Variants in DOCK8 observed in about 807,000 individuals in gnomAD.
DOCK8 encodes dedicator of cytokinesis protein 8.
DOCK8 carries 141 observed loss-of-function variants against 245.6 expected under a neutral mutation model. The observed-to-expected ratio is 0.57, with a 90% confidence interval of 0.50 to 0.66. DOCK8 has a LOEUF of 0.66. Ranked by LOEUF, DOCK8 falls within the 30% of genes least tolerant of loss-of-function variation. The pLI is 0.00. For missense variants in DOCK8, 2,965 were observed against 2,603.4 expected, an observed-to-expected ratio of 1.14 and a Z score of -3.02; for synonymous variants, 1,168 against 970.2, an observed-to-expected ratio of 1.20 and a Z score of -3.79.
intron 1 of DOCK8, among the ~76,000 whole-genome samples, chr9:253,535 C>A (rs1483494684): frequency 6.6e-6 from 1 of 152,180 alleles, no homozygotes; most frequent in Non-Finnish European, 1.5e-5. Context: ...TGTTGCCTTG[C>A]CTACTTCATT....
intron 26 of DOCK8, among the ~76,000 whole-genome samples, chr9:399,978 ATCACCACCTC>A (rs1284835787): frequency 7.1e-6 from 1 of 140,386 alleles, no homozygotes; most frequent in Non-Finnish European, 1.5e-5. Flanking sequence ...CTTCTCCACC[ATCACCACCTC>A]CCACCACCTC....
At chr9:295,155 G>A (rs2049202515) in intron 4 of DOCK8, among the ~76,000 whole-genome samples, 1 of 150,470 alleles carries the variant, frequency 6.6e-6, no homozygotes, top group African/African-American at 2.4e-5. Context: ...GTGAGATTCT[G>A]TCTTAAAAAA....
At chr9:298,862 C>T (rs1201333404) in intron 4 of DOCK8, among the ~76,000 whole-genome samples, 1 of 150,590 alleles carries the variant, frequency 6.6e-6, no homozygotes, top group Non-Finnish European at 1.5e-5. Context: ...CATACTAAAC[C>T]TTTGACATCA....
At chr9:439,448 G>T in intron 40 of DOCK8, 60 bp downstream of exon 40, 1 of 1,600,136 alleles carries the variant, frequency 6.2e-7, no homozygotes. Flanking sequence ...GACTTGGGGT[G>T]CTGGGAACAC....
Position 434,898 on chromosome 9 carries a change from GC to G in DOCK8, c.5004del (p.Ala1669LeufsTer3). On this transcript the variant is annotated frameshift_variant, in exon 39 of 48. Coordinates refer to ENST00000432829, the MANE Select transcript of DOCK8 (RefSeq NM_203447.4). LOFTEE classifies it high-confidence loss of function. ...YTEAAMCLVH[A>X]AALVAEYLSM... ...GGAGGCTGCCATGTGCCTGGTGCAC[GC>G]CGCTGCGTTAGTGGCTGAGTATCTG... is the stretch of plus-strand genomic sequence containing the variant. 1 of 1,613,898 alleles carries G rather than the reference GC, an allele frequency of 6.2e-7. No individual in the cohort carries two copies. Among genetic ancestry groups the G allele is most frequent in the Non-Finnish European group, 8.5e-7 (1 of 1,180,036 alleles).
intron 7 of DOCK8, 152 bp downstream of exon 7, chr9:317,280 T>G (rs1019857893): frequency 7.0e-6 from 5 of 709,380 alleles, no homozygotes; most frequent in Non-Finnish European, 1.3e-5. Context: ...AGGGCACGTT[T>G]GAGTCCATTC....
At chr9:367,243 A>G (rs79813893) in intron 14 of DOCK8, among the ~76,000 whole-genome samples, 4,905 of 152,280 alleles carry the variant, frequency 0.032, 266 homozygotes, top group African/African-American at 0.11. Flanking sequence ...TACTTCATCA[A>G]TTATGTGTAC....
At chr9:348,267 C>T (rs952978515) in intron 14 of DOCK8, among the ~76,000 whole-genome samples, 2 of 152,126 alleles carry the variant, frequency 1.3e-5, no homozygotes, top group African/African-American at 4.8e-5. Context: ...CCAATTTTGT[C>T]TCATATGTAA....
intron 1 of DOCK8, among the ~76,000 whole-genome samples, chr9:215,994 T>C (rs889726449): frequency 2.6e-5 from 4 of 152,206 alleles, no homozygotes; most frequent in African/African-American, 9.7e-5. Context: ...GATTCCACCG[T>C]AGGTTCATCT....
At chr9:303,996 C>G (rs935054082) in intron 4 of DOCK8, among the ~76,000 whole-genome samples, 1 of 152,160 alleles carries the variant, frequency 6.6e-6, no homozygotes, top group African/African-American at 2.4e-5. Context: ...TGTCTCATTT[C>G]TTCAGTGACA....
chr9:276,709 A>C (rs2048361126), intron 2 of DOCK8, among the ~76,000 whole-genome samples: 1 of 152,226 alleles, frequency 6.6e-6, no homozygotes, highest in Non-Finnish European at 1.5e-5. Context: ...TGAATAGATT[A>C]ACCAGAGACC....
chr9:400,318 A>ACCTCCACCACCACCACCT (rs1421074365), intron 26 of DOCK8, among the ~76,000 whole-genome samples: 21 of 71,726 alleles, frequency 2.9e-4, no homozygotes, highest in Middle Eastern at 8.9e-3. Context: ...CGTCACCACC[A>ACCTCCACCACCACCACCT]CCTCCACCAC....
intron 4 of DOCK8, among the ~76,000 whole-genome samples, chr9:298,016 C>T (rs1031218189): frequency 6.6e-6 from 1 of 152,156 alleles, no homozygotes; most frequent in Admixed American, 6.5e-5. Context: ...CCCACAAACA[C>T]TCTAACAAAA....
chr9:231,864 C>G (rs990603941), intron 1 of DOCK8, among the ~76,000 whole-genome samples: 1 of 152,144 alleles, frequency 6.6e-6, no homozygotes. Context: ...TTGACTTCCT[C>G]TTTTCCTAAT....
intron 6 of DOCK8, among the ~76,000 whole-genome samples, chr9:313,439 C>A (rs2050211290): frequency 6.6e-6 from 1 of 152,182 alleles, no homozygotes; most frequent in Non-Finnish European, 1.5e-5. Flanking sequence ...ATTTTCTAAG[C>A]ACCTTGGTTT....
chr9:418,018 G>A, intron 29 of DOCK8, 50 bp from the exon 30 acceptor site: 5 of 1,612,838 alleles, frequency 3.1e-6, no homozygotes, highest in Non-Finnish European at 3.4e-6. Flanking sequence ...TAGGGGACAT[G>A]GGGAAATGTC....
chr9:312,682 A>G, intron 6 of DOCK8: 1 of 342,360 alleles, frequency 2.9e-6, no homozygotes, highest in East Asian at 7.9e-5. Flanking sequence ...TGGGATCTTG[A>G]TTGTTTACTT....
chr9:368,451 G>T, intron 15 of DOCK8: 1 of 609,786 alleles, frequency 1.6e-6, no homozygotes, highest in South Asian at 1.9e-5. Context: ...TAAAGAGATG[G>T]CTCAACACGT....
intron 1 of DOCK8, among the ~76,000 whole-genome samples, chr9:237,623 C>A (rs927136529): frequency 1.3e-5 from 2 of 152,070 alleles, no homozygotes; most frequent in African/African-American, 4.8e-5. Flanking sequence ...CCACTGCACT[C>A]CAGTCTGGGT....
Sources: allele counts gnomAD v4.1 joint callset (sites outside exome capture counted in the v4.1 genomes callset), GRCh38; gene constraint gnomAD v4.1.1; transcripts MANE v1.5; gene names NCBI Gene and HGNC (gene_info 2026-07-23, HGNC 2026-07-21).